Variants in DOCK8 observed in about 807,000 individuals in gnomAD.
DOCK8 encodes dedicator of cytokinesis 8.
In DOCK8, 141 loss-of-function variants were observed where a neutral mutation model predicts 245.6. The observed-to-expected ratio is 0.57, with a 90% CI of 0.50 to 0.66. The LOEUF (loss-of-function observed/expected upper bound fraction) is 0.66, where lower values mean the gene tolerates loss of function less well. Among genes scored for constraint, DOCK8 ranks in the 30% least tolerant of loss-of-function variants. DOCK8 has a pLI of 0.00. For synonymous variants in DOCK8, 1,168 were observed against 970.2 expected (o/e 1.20, Z -3.79); for missense variants, 2,965 against 2,603.4 (o/e 1.14, Z -3.02).
At chr9:214,824 C>A (rs1422179288), upstream of DOCK8, 1 of 1,597,616 alleles carries the variant, frequency 6.3e-7, no homozygotes, top group Non-Finnish European at 8.5e-7. Context: ...GGGGTGATTT[C>A]GGCTTAGAAG....
At chr9:286,383 C>T in intron 2 of DOCK8, 78 bp from the exon 3 acceptor site, 1 of 1,532,324 alleles carries the variant, frequency 6.5e-7, no homozygotes, top group Non-Finnish European at 8.9e-7. Context: ...GAAAGCAAGG[C>T]AAACATCTAC....
chr9:438,862 C>G (rs2056991535), intron 39 of DOCK8, among the ~76,000 whole-genome samples: 1 of 152,188 alleles, frequency 6.6e-6, no homozygotes, highest in Non-Finnish European at 1.5e-5. Flanking sequence ...CACTGTAAGT[C>G]AGAGGTCCAC....
rs369844425 is a variant in DOCK8 at position 325,716 on chromosome 9, C to T, written c.873C>T (p.Tyr291=). 1.2e-5 allele frequency: 19 copies of T among 1,613,780 alleles called. No individual in the cohort carries two copies. Among genetic ancestry groups the T allele is most frequent in the Middle Eastern group, 1.6e-4 (1 of 6,084 alleles). The change falls in exon 8 of 48, where the codon TAC becomes TAT. Residue 291 remains tyrosine, a synonymous_variant. Coordinates refer to ENST00000432829, the MANE Select transcript of DOCK8 (RefSeq NM_203447.4). The part of the protein sequence containing the change: ...IEPLFASIAL[Y]DVKERKKISE... Reference sequence around the variant, plus strand: ...CCCTGTTTGCCAGCATTGCCCTCTACGATGTTAAAGAAAGGAAAAAGGTAA... The same window carrying T: ...CCCTGTTTGCCAGCATTGCCCTCTATGATGTTAAAGAAAGGAAAAAGGTAA...
At chr9:257,943 G>A (rs753370590) in intron 1 of DOCK8, among the ~76,000 whole-genome samples, 5 of 152,206 alleles carry the variant, frequency 3.3e-5, no homozygotes, top group Admixed American at 6.5e-5. Flanking sequence ...CTGGTCCCAG[G>A]ACCACATTTT....
intron 2 of DOCK8, chr9:273,222 C>T (rs1298352404): frequency 4.2e-6 from 3 of 713,052 alleles, no homozygotes; most frequent in Admixed American, 1.3e-4. Flanking sequence ...ACTTTCCATG[C>T]CATTTTTTCA....
chr9:264,607 G>A (rs1361893475), intron 1 of DOCK8, among the ~76,000 whole-genome samples: 1 of 152,182 alleles, frequency 6.6e-6, no homozygotes, highest in Non-Finnish European at 1.5e-5. Flanking sequence ...AAATATGTAT[G>A]CATATATGTA....
At chr9:288,424 C>T (rs568187795) in intron 3 of DOCK8, among the ~76,000 whole-genome samples, 1 of 152,206 alleles carries the variant, frequency 6.6e-6, no homozygotes, top group Non-Finnish European at 1.5e-5. Flanking sequence ...CTTACCATCT[C>T]ATTTTTCTGC....
chr9:304,435 A>T, intron 4 of DOCK8, 146 bp from the exon 5 acceptor site: 1 of 1,081,104 alleles, frequency 9.2e-7, no homozygotes, highest in Non-Finnish European at 1.4e-6. Flanking sequence ...GAGAATAATT[A>T]AATGTGAGGA....
At chr9:403,892 C>CTATATA (rs768500884) in intron 26 of DOCK8, among the ~76,000 whole-genome samples, 10 of 73,752 alleles carry the variant, frequency 1.4e-4, no homozygotes, top group African/African-American at 2.3e-4. Context: ...CTCTCTCTCT[C>CTATATA]TATATATATA....
intron 6 of DOCK8, among the ~76,000 whole-genome samples, chr9:316,609 C>A (rs2050358273): frequency 6.6e-6 from 1 of 152,182 alleles, no homozygotes; most frequent in Non-Finnish European, 1.5e-5. Flanking sequence ...CTTAAGTGAA[C>A]CATTCTGACT....
intron 33 of DOCK8, among the ~76,000 whole-genome samples, chr9:424,536 A>T (rs1406768005): frequency 6.6e-6 from 1 of 152,012 alleles, no homozygotes; most frequent in Non-Finnish European, 1.5e-5. Context: ...CAGCCTCCCA[A>T]GTAGATGGGA....
intron 1 of DOCK8, among the ~76,000 whole-genome samples, chr9:218,117 C>T (rs1253183219): frequency 6.6e-6 from 1 of 152,048 alleles, no homozygotes; most frequent in African/African-American, 2.4e-5. Context: ...TTTTCCCTTA[C>T]GTGCCTACCT....
At chr9:357,524 T>C (rs1030276511) in intron 14 of DOCK8, among the ~76,000 whole-genome samples, 1 of 152,212 alleles carries the variant, frequency 6.6e-6, no homozygotes, top group African/African-American at 2.4e-5. Context: ...TTTTTAACAT[T>C]ACAAAATCAT....
At chr9:234,493 T>C (rs1002363198) in intron 1 of DOCK8, among the ~76,000 whole-genome samples, 2 of 152,224 alleles carry the variant, frequency 1.3e-5, no homozygotes, top group African/African-American at 4.8e-5. Context: ...GCAGAGTGTT[T>C]TCCAACTTGG....
chr9:243,194 C>G (rs573799266), intron 1 of DOCK8, among the ~76,000 whole-genome samples: 2 of 152,292 alleles, frequency 1.3e-5, no homozygotes, highest in South Asian at 4.1e-4. Flanking sequence ...AAACTTGATT[C>G]TGAGATCCAG....
intron 1 of DOCK8, 110 bp downstream of exon 1, chr9:215,139 C>CGGGGCGCGCCTGAGACCT: frequency 6.8e-7 from 1 of 1,461,544 alleles, no homozygotes; most frequent in Non-Finnish European, 8.9e-7. Context: ...GCGTCCGCGG[C>CGGGGCGCGCCTGAGACCT]GGGGCGCGCC....
chr9:327,081 A>C (rs2050796054), intron 8 of DOCK8, among the ~76,000 whole-genome samples: 1 of 152,098 alleles, frequency 6.6e-6, no homozygotes. Context: ...GCATTCCTCT[A>C]CCTTCTTTCC....
Position 422,055 on chromosome 9 carries a change from C to A in DOCK8, c.4161C>A (p.Asp1387Glu). 1 of 1,613,946 alleles carries A rather than the reference C, an allele frequency of 6.2e-7. No homozygotes were observed. The highest frequency in any genetic ancestry group is 2.2e-5 in the East Asian group (1 of 44,880). ...EMMRRRAPGNDRFPGLNENLR... is the reference protein window; with the variant it reads ...EMMRRRAPGNERFPGLNENLR... ...GCATTTCTTAACTCCTAGGGAACGA[C>A]CGATTTCCAGGCCTAAATGAAAATT... The change falls in exon 33 of 48, where the codon GAC (aspartate) becomes GAA (glutamate). Residue 1387 changes from aspartate (D) to glutamate (E), a missense_variant. Asp to Glu is a conservative substitution (Grantham distance 45, BLOSUM62 2). This residue lies in a region of DOCK8 where 2,825 missense variants were observed against 2,453.5 expected (regional missense o/e 1.15). Transcript: ENST00000432829.
intron 1 of DOCK8, among the ~76,000 whole-genome samples, chr9:255,017 G>C (rs555375684): frequency 6.6e-6 from 1 of 152,260 alleles, no homozygotes; most frequent in Non-Finnish European, 1.5e-5. Flanking sequence ...AGAGATTCCA[G>C]AACAGGGCCT....
Sources: gnomAD v4.1 joint callset for allele counts (sites outside exome capture counted in the v4.1 genomes callset) on GRCh38, gnomAD v4.1.1 for gene constraint, gnomAD v4.1.1 regional missense constraint, MANE v1.5 for transcripts, NCBI Gene and HGNC (gene_info 2026-07-23, HGNC 2026-07-21) for gene names.